SPATA22: variants seen among roughly 807,000 people sequenced by gnomAD.
SPATA22 encodes spermatogenesis-associated protein 22.
In SPATA22, 29 loss-of-function variants were observed where a neutral mutation model predicts 47.8. The observed-to-expected ratio is 0.61, with a 90% CI of 0.45 to 0.83. The LOEUF is 0.83. Ranked by LOEUF, SPATA22 falls within the 40% of genes least tolerant of loss-of-function variation. The pLI is 0.00. For missense variants in SPATA22, 410 were observed against 421.7 expected (o/e 0.97, Z 0.24); for synonymous variants, 133 against 140.9 (o/e 0.94, Z 0.40).
rs754348327 is a variant in SPATA22, at chr17:3,440,338, C to A, written c.901G>T (p.Asp301Tyr). The A allele has an allele frequency of 2.0e-6, 3 of 1,481,790 alleles. No individual in the cohort carries two copies. Among genetic ancestry groups the A allele is most frequent in the South Asian group, 1.4e-5 (1 of 72,090 alleles). The allele number at this position is 1,481,790 out of a possible 1,614,324, so 91.8% of individuals were successfully genotyped here. A position where few individuals can be genotyped will look rare whatever the true frequency, so the allele number is the denominator to read the frequency against. The change falls in exon 9 of 9, where the codon GAT (aspartate) becomes TAT (tyrosine). Residue 301 changes from aspartate (D) to tyrosine (Y), a missense_variant and splice_region_variant. Coordinates refer to ENST00000572969, the MANE Select transcript of SPATA22 (RefSeq NM_001170698.2). ...NTLPCVFYEI[D>Y]RELPRLIRGR... ...CTAATCAGTCTCGGAAGTTCACGAT[C>A]CTGTTTTTCAAAAAATAAGTATCAA...
rs1335435900 is a variant in SPATA22, at chr17:3,469,376, A to G, written c.-51T>C. ...TTTCTATTCAGCATTCCAAATTTAT[A>G]ATATGACATTGTCCCACTAGACCTG... On this transcript the variant is annotated 5_prime_UTR_variant, in exon 2 of 9. Coordinates refer to ENST00000572969, the MANE Select transcript of SPATA22 (RefSeq NM_001170698.2). 7.0e-7 allele frequency: 1 copy of G among 1,437,662 alleles called. No individual in the cohort carries two copies. The highest frequency in any genetic ancestry group is 2.1e-5 in the Admixed American group (1 of 48,738). 89.1% of individuals were successfully genotyped at this position (1,437,662 alleles called of 1,614,324 possible). A position where few individuals can be genotyped will look rare whatever the true frequency, so the allele number is the denominator to read the frequency against.
chr17:3,443,465 ACT>A (rs903447367), intron 7 of SPATA22, among the ~76,000 whole-genome samples, 194 bp from the exon 8 acceptor site: 9 of 151,902 alleles, frequency 5.9e-5, no homozygotes, highest in Admixed American at 5.3e-4. Context: ...AAAACTTCTG[ACT>A]CTCTCCAACT....
chr17:3,508,644 G>A (rs1284671917), intron 1 of SPATA22, among the ~76,000 whole-genome samples: 1 of 141,284 alleles, frequency 7.1e-6, no homozygotes, highest in African/African-American at 2.6e-5. Flanking sequence ...GTAAACTATC[G>A]CAAGGACAAA....
At chr17:3,467,659 T>C in intron 2 of SPATA22, 105 bp from the exon 3 acceptor site, 1 of 779,386 alleles carries the variant, frequency 1.3e-6, no homozygotes, top group Non-Finnish European at 1.9e-6. Context: ...TCTACTTCTA[T>C]ATGCTAATAT....
At chr17:3,461,568 G>T (rs141178638) in intron 5 of SPATA22, among the ~76,000 whole-genome samples, 1 of 152,226 alleles carries the variant, frequency 6.6e-6, no homozygotes, top group East Asian at 1.9e-4. Context: ...CTAGTTTTAA[G>T]GCCTTGTTAT....
chr17:3,507,680 C>G (rs992871016), intron 1 of SPATA22, among the ~76,000 whole-genome samples: 4 of 152,142 alleles, frequency 2.6e-5, no homozygotes, highest in African/African-American at 9.7e-5. Flanking sequence ...TCTCGATTTC[C>G]CTACCTATTA....
At position 3,448,968 on chromosome 17, in the gene SPATA22, CT is replaced by C; in HGVS notation, c.510del (p.Glu171LysfsTer18). 1 of 1,613,950 alleles carries C rather than the reference CT, an allele frequency of 6.2e-7. No homozygotes were observed. The highest frequency in any genetic ancestry group is 8.5e-7 in the Non-Finnish European group (1 of 1,179,964). ...TGTGTTTGTCTGAGTAGCTCGGTTT[CT>C]TTGTTGCGAGATAAGTTAGGAGGTT... ...IPEPPNLSRN[K>X]ETELLRQTHS... is the part of the protein sequence containing the mutation. On this transcript the variant is annotated frameshift_variant, in exon 6 of 9. Transcript: ENST00000572969. LOFTEE classifies it high-confidence loss of function.
At chr17:3,458,855 C>CAAAAAAAAAACAAAAAAAAAAAAAAAAA (rs2073056348) in intron 5 of SPATA22, among the ~76,000 whole-genome samples, 1 of 38,344 alleles carries the variant, frequency 2.6e-5, no homozygotes, top group Non-Finnish European at 4.5e-5. Flanking sequence ...CGAAACTTCA[C>CAAAAAAAAAACAAAAAAAAAAAAAAAAA]AAAAAAAAAA....
At chr17:3,465,299 C>T (rs1216666116) in intron 3 of SPATA22, among the ~76,000 whole-genome samples, 9 of 149,810 alleles carry the variant, frequency 6.0e-5, no homozygotes, top group African/African-American at 9.8e-5. Context: ...TCATTGAGAA[C>T]GGGCCATGAT....
At chr17:3,451,999 TACA>T (rs1172170713) in intron 5 of SPATA22, among the ~76,000 whole-genome samples, 1 of 142,116 alleles carries the variant, frequency 7.0e-6, no homozygotes, top group Admixed American at 7.0e-5. Flanking sequence ...AATTCACAAA[TACA>T]ACAACACCCT....
chr17:3,478,138 T>C (rs8072059), intron 1 of SPATA22, among the ~76,000 whole-genome samples: 3 of 152,030 alleles, frequency 2.0e-5, no homozygotes, highest in African/African-American at 4.8e-5. Flanking sequence ...TGAGCAGAGA[T>C]GGTGCCACTG....
chr17:3,473,856 A>G (rs1403996519), upstream of SPATA22, among the ~76,000 whole-genome samples: 1 of 134,084 alleles, frequency 7.5e-6, no homozygotes, highest in African/African-American at 2.5e-5. Flanking sequence ...CCCACAAAAC[A>G]TTTGTAATGC....
intron 6 of SPATA22, among the ~76,000 whole-genome samples, chr17:3,448,494 A>G (rs1327549457): frequency 6.6e-6 from 1 of 152,226 alleles, no homozygotes; most frequent in Non-Finnish European, 1.5e-5. Context: ...TTAGAATGAC[A>G]TATCAAGAGC....
chr17:3,468,761 GTGTAAAGATTAAATAAATTAA>G (rs1371733576), intron 2 of SPATA22: 1 of 216,878 alleles, frequency 4.6e-6, no homozygotes, highest in Non-Finnish European at 7.9e-6. Flanking sequence ...CAGGGTATTG[GTGTAAAGATTAAATAAATTAA>G]TATATATAAT....
At chr17:3,472,859 A>C (rs565668983), upstream of SPATA22, among the ~76,000 whole-genome samples, 1 of 152,256 alleles carries the variant, frequency 6.6e-6, no homozygotes, top group Non-Finnish European at 1.5e-5. Flanking sequence ...ATGTAGACTG[A>C]GACCAGATAA....
intron 1 of SPATA22, among the ~76,000 whole-genome samples, chr17:3,496,743 C>T (rs541936936): frequency 1.2e-4 from 18 of 152,260 alleles, no homozygotes; most frequent in Admixed American, 3.3e-4. Context: ...AAACTTGAGC[C>T]ACATGACAAT....
chr17:3,486,427 C>G (rs1296707717), intron 1 of SPATA22, among the ~76,000 whole-genome samples: 1 of 152,146 alleles, frequency 6.6e-6, no homozygotes, highest in East Asian at 1.9e-4. Context: ...TCTCCACATC[C>G]CTCTTACCAC....
At chr17:3,497,777 T>G (rs576439296) in intron 1 of SPATA22, among the ~76,000 whole-genome samples, 17 of 152,334 alleles carry the variant, frequency 1.1e-4, no homozygotes, top group African/African-American at 4.1e-4. Flanking sequence ...GAAATCCTGC[T>G]TTTCTAACAG....
chr17:3,471,952 C>T (rs745848398), upstream of SPATA22: 1 of 755,762 alleles, frequency 1.3e-6, no homozygotes. Context: ...CGTTCTCACA[C>T]TGTGGACCCA....
Sources: allele counts gnomAD v4.1 joint callset (sites outside exome capture counted in the v4.1 genomes callset), GRCh38; gene constraint gnomAD v4.1.1; transcripts MANE v1.5; gene names NCBI Gene and HGNC (gene_info 2026-07-23, HGNC 2026-07-21).